Variants in OR4Q3 observed in about 807,000 individuals in gnomAD.
OR4Q3 encodes the protein olfactory receptor family 4 subfamily Q member 3, also known as olfactory receptor 4Q3.
Under a neutral mutation model 18.8 loss-of-function variants are expected in OR4Q3, and 17 were observed. The observed-to-expected ratio is 0.91, with a 90% CI of 0.62 to 1.36. OR4Q3 has a LOEUF of 1.36. Ranked by LOEUF, OR4Q3 falls within the 40% of genes most tolerant of loss-of-function variation. The pLI, the probability that OR4Q3 is intolerant of heterozygous loss-of-function variation, is 0.00. For missense variants in OR4Q3, 378 were observed against 373.4 expected (o/e 1.01, Z -0.10); for synonymous variants, 158 against 145.8 (o/e 1.08, Z -0.60).
exon 2 of OR4Q3, chr14:19,747,592 G>A: frequency 4.1e-5 from 66 of 1,613,802 alleles, no homozygotes; most frequent in Non-Finnish European, 5.3e-5. Flanking sequence ...ATGCTCACCT[G>A]CTCCAATCTC....
At chr14:19,747,306 A>G in intron 1 of OR4Q3, 100 bp from the exon 2 acceptor site, 2 of 542,682 alleles carry the variant, frequency 3.7e-6, no homozygotes, top group African/African-American at 2.0e-5. Flanking sequence ...ACTTGCTAAA[A>G]TAATTTTTAT....
intron 1 of OR4Q3, among the ~76,000 whole-genome samples, chr14:19,744,757 G>T: frequency 1.3e-5 from 2 of 152,184 alleles, no homozygotes; most frequent in Non-Finnish European, 2.9e-5. Flanking sequence ...TGGTGTTTTT[G>T]AATGTGGCTT....
At chr14:19,748,530 G>T in exon 2 of OR4Q3, 1 of 637,010 alleles carries the variant, frequency 1.6e-6, no homozygotes, top group Non-Finnish European at 2.6e-6. Context: ...AAAAGCATAG[G>T]TGGCACTCTA....
chr14:19,748,319 G>T, exon 2 of OR4Q3: 1 of 1,613,342 alleles, frequency 6.2e-7, no homozygotes, highest in Non-Finnish European at 8.5e-7. Flanking sequence ...TATGAAGACA[G>T]CTATGAAGAA....
intron 1 of OR4Q3, among the ~76,000 whole-genome samples, chr14:19,745,350 T>C: frequency 6.6e-6 from 1 of 152,220 alleles, no homozygotes; most frequent in Non-Finnish European, 1.5e-5. Context: ...CTGATTTATT[T>C]AATTTTAATA....
chr14:19,751,175 CT>C, downstream of OR4Q3, among the ~76,000 whole-genome samples: 1 of 152,208 alleles, frequency 6.6e-6, no homozygotes, highest in Non-Finnish European at 1.5e-5. Context: ...AAAGCAAGAG[CT>C]TTTTATATTC....
At chr14:19,749,225 C>T in exon 2 of OR4Q3, 3 of 152,256 alleles carry the variant, frequency 2.0e-5, no homozygotes, top group Non-Finnish European at 4.4e-5. Context: ...ACCTCTGAGT[C>T]TCAAACATGC....
At chr14:19,750,244 C>T, downstream of OR4Q3, among the ~76,000 whole-genome samples, 2 of 152,202 alleles carry the variant, frequency 1.3e-5, no homozygotes, top group African/African-American at 4.8e-5. Flanking sequence ...CTCAGCCTCT[C>T]AAAGTGCTGG....
downstream of OR4Q3, among the ~76,000 whole-genome samples, chr14:19,751,848 A>C: frequency 6.6e-6 from 1 of 151,828 alleles, no homozygotes; most frequent in Non-Finnish European, 1.5e-5. Flanking sequence ...GGTTTCATTG[A>C]CCTTTTGTAT....
intron 1 of OR4Q3, among the ~76,000 whole-genome samples, chr14:19,744,744 A>G: frequency 2.0e-5 from 3 of 152,188 alleles, no homozygotes; most frequent in Non-Finnish European, 2.9e-5. Context: ...GGGATAATGA[A>G]GCTGGTGTTT....
At chr14:19,752,146 C>A, downstream of OR4Q3, among the ~76,000 whole-genome samples, 1 of 152,164 alleles carries the variant, frequency 6.6e-6, no homozygotes, top group Non-Finnish European at 1.5e-5. Flanking sequence ...AAAGAAATTG[C>A]AACAAAACCA....
intron 1 of OR4Q3, among the ~76,000 whole-genome samples, chr14:19,745,509 T>C: frequency 6.6e-6 from 1 of 152,198 alleles, no homozygotes; most frequent in South Asian, 2.1e-4. Context: ...TATAACATTG[T>C]GTAGGATTAT....
intron 1 of OR4Q3, among the ~76,000 whole-genome samples, chr14:19,746,524 C>G: frequency 2.0e-5 from 3 of 152,176 alleles, no homozygotes; most frequent in Non-Finnish European, 4.4e-5. Flanking sequence ...GTGCATGCCT[C>G]CGTGATATGG....
At chr14:19,749,802 CTT>C, downstream of OR4Q3, among the ~76,000 whole-genome samples, 2 of 80,964 alleles carry the variant, frequency 2.5e-5, no homozygotes, top group African/African-American at 7.0e-5. Flanking sequence ...CTTTCTCTCT[CTT>C]TCTCTCTATT....
exon 2 of OR4Q3, chr14:19,747,559 G>A: frequency 1.4e-4 from 227 of 1,613,286 alleles, no homozygotes; most frequent in Middle Eastern, 1.7e-4. Context: ...GAAACCTCTT[G>A]ATAGTGGTAA....
chr14:19,744,875 C>A, intron 1 of OR4Q3, among the ~76,000 whole-genome samples: 2 of 152,218 alleles, frequency 1.3e-5, no homozygotes, highest in Non-Finnish European at 1.5e-5. Context: ...TTTCATTCTT[C>A]ACGGAACAGT....
chr14:19,744,827 G>T, intron 1 of OR4Q3, among the ~76,000 whole-genome samples: 1 of 152,118 alleles, frequency 6.6e-6, no homozygotes, highest in Non-Finnish European at 1.5e-5. Context: ...TAGTTTTGGG[G>T]TGTAGACATT....
At chr14:19,747,314 T>A in intron 1 of OR4Q3, 92 bp from the exon 2 acceptor site, 5 of 555,834 alleles carry the variant, frequency 9.0e-6, no homozygotes, top group Non-Finnish European at 8.2e-6. Context: ...AAATAATTTT[T>A]ATGTAATTTA....
Position 19,747,442 on chromosome 14 carries a change from A to G in OR4Q3, c.39A>G (p.Gln13=). ...TTCTTGGCTTGATGAAAAAAGAACA[A>G]GATTCTAATGTGACAGAATTTGTTC... is the stretch of plus-strand genomic sequence containing the variant. Residue 13 remains glutamine (Q), a synonymous_variant, in exon 2 of 2, where the codon CAA becomes CAG. Coordinates refer to ENST00000642117, the Ensembl canonical transcript of OR4Q3. The G allele has an allele frequency of 1.4e-5, 22 of 1,600,982 alleles. No homozygotes were observed. In the African/African-American group the frequency reaches 2.3e-4, roughly 17 times the overall value.
Sources: allele counts gnomAD v4.1 joint callset (sites outside exome capture counted in the v4.1 genomes callset), GRCh38; gene constraint gnomAD v4.1.1; transcripts MANE v1.5; gene names NCBI Gene and HGNC (gene_info 2026-07-23, HGNC 2026-07-21).